The following KCNH1 variants were observed in gnomAD, a reference collection of about 807,000 sequenced individuals.
KCNH1 encodes the protein voltage-gated delayed rectifier potassium channel KCNH1.
In KCNH1, 27 loss-of-function variants were observed where a neutral mutation model predicts 69.2. That is an observed-to-expected ratio of 0.39 (90% CI 0.29 to 0.54). The LOEUF is 0.54. KCNH1 is among the 20% of genes least tolerant of loss of function. The pLI is 0.68. For missense variants in KCNH1, 798 were observed against 1,261.6 expected, an observed-to-expected ratio of 0.63 and a Z score of 5.57; for synonymous variants, 456 against 487.7, an observed-to-expected ratio of 0.93 and a Z score of 0.86.
intron 6 of KCNH1, among the ~76,000 whole-genome samples, chr1:210,947,811 CTTGT>C (rs1021392215): frequency 6.6e-6 from 1 of 152,096 alleles, no homozygotes; most frequent in African/African-American, 2.4e-5. Context: ...CCTGGCTTTA[CTTGT>C]TTGTTATCTG....
intron 6 of KCNH1, among the ~76,000 whole-genome samples, chr1:211,015,300 T>A (rs1689473115): frequency 1.3e-5 from 2 of 152,200 alleles, no homozygotes; most frequent in Non-Finnish European, 2.9e-5. Context: ...GCTCCTATTT[T>A]ATAAAAATCT....
At chr1:210,841,559 G>T (rs1267304128) in intron 7 of KCNH1, among the ~76,000 whole-genome samples, 1 of 152,192 alleles carries the variant, frequency 6.6e-6, no homozygotes, top group Non-Finnish European at 1.5e-5. Context: ...AAATTGACAT[G>T]TTTCTCTCAG....
At chr1:210,688,016 T>G (rs1409633340) in intron 10 of KCNH1, among the ~76,000 whole-genome samples, 1 of 152,158 alleles carries the variant, frequency 6.6e-6, no homozygotes, top group Non-Finnish European at 1.5e-5. Flanking sequence ...ATAGGTACTA[T>G]GAGGGGGAAA....
At chr1:211,090,496 T>G in intron 4 of KCNH1, 66 bp downstream of exon 4, 1 of 1,440,046 alleles carries the variant, frequency 6.9e-7, no homozygotes, top group Non-Finnish European at 9.4e-7. Flanking sequence ...TTAAATGCTC[T>G]GTAACAAGAG....
chr1:210,929,454 A>G (rs1687638774), intron 6 of KCNH1, among the ~76,000 whole-genome samples: 1 of 152,196 alleles, frequency 6.6e-6, no homozygotes, highest in African/African-American at 2.4e-5. Context: ...AGACACAGAA[A>G]AAGCATCTGA....
Position 210,681,468 on chromosome 1 carries a change from C to T in KCNH1, c.*1813G>A, listed in dbSNP as rs1239174037. 1 of 152,216 alleles carries T rather than the reference C, an allele frequency of 6.6e-6. No individual in the cohort carries two copies. The highest frequency in any genetic ancestry group is 1.5e-5 in the Non-Finnish European group (1 of 68,096). The allele number at this position is 152,216 out of a possible 1,614,324, so 9.4% of individuals were successfully genotyped here. A position where few individuals can be genotyped will look rare whatever the true frequency, so the allele number is the denominator to read the frequency against. ...GTTAGGGCTCATGGAGCAGGACTCTCCCTTGAGCTCGCAGGCCTTGTCTTC... is the reference window on the plus strand; with the variant it reads ...GTTAGGGCTCATGGAGCAGGACTCTTCCTTGAGCTCGCAGGCCTTGTCTTC... On this transcript the variant is annotated 3_prime_UTR_variant, in exon 11 of 11. Coordinates refer to ENST00000271751, the MANE Select transcript of KCNH1 (RefSeq NM_172362.3).
At chr1:211,011,229 T>C (rs561711455) in intron 6 of KCNH1, among the ~76,000 whole-genome samples, 1 of 152,318 alleles carries the variant, frequency 6.6e-6, no homozygotes, top group Admixed American at 6.5e-5. Flanking sequence ...CATGCAGTGT[T>C]TGGTTTTCCG....
chr1:211,096,310 C>G (rs539913362), intron 3 of KCNH1, among the ~76,000 whole-genome samples: 3 of 152,106 alleles, frequency 2.0e-5, no homozygotes, highest in Admixed American at 1.3e-4. Context: ...GTGATCTGCC[C>G]GCCTTGGCCT....
At chr1:210,771,200 G>A (rs142649403) in intron 10 of KCNH1, among the ~76,000 whole-genome samples, 1 of 152,330 alleles carries the variant, frequency 6.6e-6, no homozygotes, top group East Asian at 1.9e-4. Context: ...AGGGTTTGAT[G>A]AGGAAGGCTC....
chr1:211,005,848 AG>A (rs1241464869), intron 6 of KCNH1, among the ~76,000 whole-genome samples: 1 of 152,142 alleles, frequency 6.6e-6, no homozygotes, highest in Non-Finnish European at 1.5e-5. Flanking sequence ...TAACCCATAA[AG>A]GGTTCATATC....
chr1:210,771,048 T>C (rs1683743680), intron 10 of KCNH1, among the ~76,000 whole-genome samples: 1 of 152,248 alleles, frequency 6.6e-6, no homozygotes, highest in Non-Finnish European at 1.5e-5. Context: ...GACATACACG[T>C]ACTGATACTG....
intron 1 of KCNH1, among the ~76,000 whole-genome samples, chr1:211,129,318 TC>T (rs1691836329): frequency 6.6e-6 from 1 of 152,166 alleles, no homozygotes; most frequent in African/African-American, 2.4e-5. Context: ...AAGGAACCAC[TC>T]CCAAATGAGG....
At chr1:210,789,972 G>A (rs1684181356) in intron 9 of KCNH1, among the ~76,000 whole-genome samples, 1 of 152,170 alleles carries the variant, frequency 6.6e-6, no homozygotes, top group Non-Finnish European at 1.5e-5. Context: ...CTATTCACAG[G>A]TGTGATCACG....
rs538213199 is a variant in KCNH1 at position 210,957,827 on chromosome 1, T to A, written c.1033-37758A>T. Among the ~76,000 whole-genome samples the A allele has an allele frequency of 1.8e-4, 27 of 152,324 alleles. 1 individual carries two copies. The highest frequency in any genetic ancestry group is 6.0e-4 in the African/African-American group (25 of 41,572). ...TGTGTCTCTGCACATGAGATGGGTC[T>A]CCTGAATACAGCACACTGATGGGTC... On this transcript the variant is annotated intron_variant, in intron 6 of 10. Coordinates refer to ENST00000271751, the MANE Select transcript of KCNH1 (RefSeq NM_172362.3).
At chr1:210,841,361 A>T (rs4951657) in intron 7 of KCNH1, among the ~76,000 whole-genome samples, 96,374 of 152,122 alleles carry the variant, frequency 0.63, 31,673 homozygotes, top group African/African-American at 0.81. Flanking sequence ...CCTTCTAGCC[A>T]TGAGTTTCTG....
chr1:211,127,587 G>A (rs1276425927), intron 1 of KCNH1, among the ~76,000 whole-genome samples: 2 of 152,314 alleles, frequency 1.3e-5, no homozygotes, highest in Non-Finnish European at 1.5e-5. Flanking sequence ...AAGGGCAAGA[G>A]CAAGTTTTGT....
chr1:211,008,132 C>T (rs372807061), intron 6 of KCNH1, among the ~76,000 whole-genome samples: 10 of 152,088 alleles, frequency 6.6e-5, no homozygotes, highest in African/African-American at 9.7e-5. Flanking sequence ...TATTCATAAT[C>T]GCCAAAAGTA....
intron 1 of KCNH1, among the ~76,000 whole-genome samples, chr1:211,126,053 C>T (rs555972754): frequency 1.3e-5 from 2 of 152,320 alleles, no homozygotes; most frequent in South Asian, 4.1e-4. Context: ...GTTGGCCAGA[C>T]TGTGATCTGT....
At chr1:210,761,276 G>C (rs1218060055) in intron 10 of KCNH1, among the ~76,000 whole-genome samples, 1 of 42,758 alleles carries the variant, frequency 2.3e-5, no homozygotes, top group African/African-American at 6.5e-5. Context: ...AAAAAAAAAA[G>C]TACATGTAAG....
Sources: allele counts gnomAD v4.1 joint callset (sites outside exome capture counted in the v4.1 genomes callset), GRCh38; gene constraint gnomAD v4.1.1; transcripts MANE v1.5; gene names NCBI Gene and HGNC (gene_info 2026-07-23, HGNC 2026-07-21).